Variants in ST18 observed in about 807,000 individuals in gnomAD.
The protein encoded by ST18 is ST18 C2H2C-type zinc finger transcription factor, also known as suppression of tumorigenicity 18 protein.
In ST18, 50 loss-of-function variants were observed where a neutral mutation model predicts 110.0. That is an observed-to-expected ratio of 0.45 (90% CI 0.36 to 0.58). The LOEUF (loss-of-function observed/expected upper bound fraction) is 0.58. Ranked by LOEUF, ST18 falls within the 20% of genes least tolerant of loss-of-function variation. ST18 has a pLI of 0.00. For missense variants in ST18, 1,306 were observed against 1,280.1 expected (o/e 1.02, Z -0.31); for synonymous variants, 461 against 452.4 (o/e 1.02, Z -0.24).
intron 2 of ST18, among the ~76,000 whole-genome samples, chr8:52,272,966 A>G (rs762403134): frequency 6.6e-6 from 1 of 152,238 alleles, no homozygotes; most frequent in Non-Finnish European, 1.5e-5. Flanking sequence ...AAAATGAAAT[A>G]AGCTCTAGAG....
chr8:52,360,523 C>G lies in ST18; in HGVS notation c.-465+48805G>C, dbSNP rs114388067. Among the ~76,000 whole-genome samples, 1,285 of 151,744 alleles carry G rather than the reference C, an allele frequency of 8.5e-3. 16 individuals are homozygous for G. Among genetic ancestry groups the G allele is most frequent in the African/African-American group, 0.029 (1,210 of 41,380 alleles). On this transcript the variant is annotated intron_variant, in intron 2 of 25. Transcript: ENST00000689386. ...AATAATGCAAAAAAAAATTATTATA[C>G]CTAAACAAATATTTTCTTAAAATAT...
chr8:52,171,973 C>T lies in ST18; in HGVS notation c.888G>A (p.Leu296=), dbSNP rs767089837. Residue 296 remains leucine (L), a synonymous_variant, in exon 10 of 26, where the codon CTG becomes CTA. Transcript: ENST00000689386. ...LAVMTEEGSD[L]EKAKGNLSLL... is the part of the protein sequence containing the mutation. ...AACTTAAATTCCCCTTGGCCTTTTC[C>T]AGGTCACTACCCTCTTCCGTCATTA... 1 of 1,614,216 alleles carries T rather than the reference C, an allele frequency of 6.2e-7. No homozygotes were observed. Among genetic ancestry groups the T allele is most frequent in the African/African-American group, 1.3e-5 (1 of 75,070 alleles).
At chr8:52,121,368 T>C (rs935456228) in intron 23 of ST18, among the ~76,000 whole-genome samples, 5 of 152,234 alleles carry the variant, frequency 3.3e-5, no homozygotes, top group African/African-American at 1.2e-4. Context: ...GTTTTTATTA[T>C]AATTTCTGGG....
At chr8:52,351,847 GAA>G (rs1233990954) in intron 2 of ST18, among the ~76,000 whole-genome samples, 3 of 152,150 alleles carry the variant, frequency 2.0e-5, no homozygotes, top group Non-Finnish European at 4.4e-5. Flanking sequence ...TAAAACTCTA[GAA>G]TCTAAAGGTT....
chr8:52,140,535 A>G (rs1426210060), intron 17 of ST18, among the ~76,000 whole-genome samples: 1 of 137,660 alleles, frequency 7.3e-6, no homozygotes, highest in Non-Finnish European at 1.6e-5. Flanking sequence ...AAATAAATAG[A>G]TAGATGATAG....
In ST18 at chr8:52,180,453, C is replaced by T. The variant is rs2068955040; in HGVS notation, c.87-141G>A. The T allele has an allele frequency of 3.7e-6, 3 of 817,128 alleles. No individual in the cohort carries two copies. In the South Asian group the frequency reaches 5.3e-5, roughly 14 times the overall value. The allele number at this position is 817,128 out of a possible 1,614,324, so 50.6% of individuals were successfully genotyped here. Reference sequence around the variant, plus strand: ...GGTTGGTTACTGGCACTAACAAAAACATCCCATCTGTGGACTCCACTGAAC... The same window carrying T: ...GGTTGGTTACTGGCACTAACAAAAATATCCCATCTGTGGACTCCACTGAAC... On this transcript the variant is annotated intron_variant, in intron 8 of 25. Transcript: ENST00000689386.
intron 2 of ST18, among the ~76,000 whole-genome samples, chr8:52,350,802 C>G (rs760099583): frequency 6.6e-6 from 1 of 151,786 alleles, no homozygotes; most frequent in Non-Finnish European, 1.5e-5. Context: ...CTCACTGCAA[C>G]CTCTGCCTCC....
intron 2 of ST18, chr8:52,246,523 C>T (rs2093870877): frequency 6.6e-6 from 1 of 150,592 alleles, no homozygotes; most frequent in East Asian, 1.9e-4. Flanking sequence ...TAATAAAACT[C>T]TGCATAATAA....
rs557024236 is a variant in ST18 at position 52,211,273 on chromosome 8, A to G, written c.86+806T>C. On this transcript the variant is annotated intron_variant, in intron 8 of 25. Transcript: ENST00000689386. ...ACAATATTGCCTGAGGTGTAGTAGC[A>G]GCAATATCTGTGACGAAAATGCTTG... Among the ~76,000 whole-genome samples the G allele has an allele frequency of 4.6e-5, 7 of 152,174 alleles. No homozygotes were observed. In the South Asian group the frequency reaches 1.5e-3, roughly 32 times the overall value.
chr8:52,142,367 G>A (rs541890966), intron 17 of ST18, among the ~76,000 whole-genome samples: 18 of 152,176 alleles, frequency 1.2e-4, no homozygotes, highest in South Asian at 6.2e-4. Context: ...CTAAGTGGAC[G>A]CGTTACTCCT....
intron 2 of ST18, among the ~76,000 whole-genome samples, chr8:52,399,253 C>A (rs748989179): frequency 5.5e-4 from 83 of 151,920 alleles, no homozygotes; most frequent in African/African-American, 1.9e-3. Flanking sequence ...CCTTATGATC[C>A]TTTTTATTTC....
intron 2 of ST18, chr8:52,406,078 AC>A (rs1281225204): frequency 6.6e-6 from 1 of 152,180 alleles, no homozygotes; most frequent in Non-Finnish European, 1.5e-5. Context: ...CATTTTAGTC[AC>A]TAGTAAATTA....
At chr8:52,211,179 C>G (rs2082029070) in intron 8 of ST18, among the ~76,000 whole-genome samples, 1 of 151,864 alleles carries the variant, frequency 6.6e-6, no homozygotes, top group Non-Finnish European at 1.5e-5. Context: ...TTAACTATAC[C>G]CTGACAAAGA....
intron 8 of ST18, among the ~76,000 whole-genome samples, chr8:52,193,284 C>T (rs1381376368): frequency 6.6e-6 from 1 of 152,100 alleles, no homozygotes; most frequent in East Asian, 1.9e-4. Context: ...GCACCTCCTC[C>T]TCCCTTCAGG....
At chr8:52,389,268 G>A (rs1316860797) in intron 2 of ST18, among the ~76,000 whole-genome samples, 1 of 152,158 alleles carries the variant, frequency 6.6e-6, no homozygotes. Context: ...GAAAAGGTGT[G>A]GAGAGGAAAA....
At chr8:52,162,655 A>T (rs1343672679) in intron 13 of ST18, among the ~76,000 whole-genome samples, 2 of 152,224 alleles carry the variant, frequency 1.3e-5, no homozygotes, top group African/African-American at 4.8e-5. Context: ...AATGTGAATT[A>T]TATATTCTTT....
chr8:52,148,018 T>C (rs1038282464), intron 16 of ST18, among the ~76,000 whole-genome samples: 1 of 152,176 alleles, frequency 6.6e-6, no homozygotes, highest in African/African-American at 2.4e-5. Context: ...TGACAGACTT[T>C]TAGATGATAC....
At chr8:52,378,008 A>T (rs1002994518) in intron 2 of ST18, among the ~76,000 whole-genome samples, 1 of 152,210 alleles carries the variant, frequency 6.6e-6, no homozygotes, top group Non-Finnish European at 1.5e-5. Flanking sequence ...ATTTGGAAAC[A>T]CAAAGACAAA....
At chr8:52,291,756 G>GT (rs1039643705) in intron 2 of ST18, among the ~76,000 whole-genome samples, 26 of 150,826 alleles carry the variant, frequency 1.7e-4, no homozygotes, top group Middle Eastern at 6.9e-3. Context: ...AATAAACAAG[G>GT]TTTTTTTTTG....
Sources: gnomAD v4.1 joint callset for allele counts (sites outside exome capture counted in the v4.1 genomes callset) on GRCh38, gnomAD v4.1.1 for gene constraint, MANE v1.5 for transcripts, NCBI Gene and HGNC (gene_info 2026-07-23, HGNC 2026-07-21) for gene names.